The following EPHA5 variants were observed in gnomAD, a reference collection of about 807,000 sequenced individuals.
The protein encoded by EPHA5 is EPH receptor A5.
Under a neutral mutation model 105.0 loss-of-function variants are expected in EPHA5, and 60 were observed. That is an observed-to-expected ratio of 0.57 (90% CI 0.46 to 0.71). The LOEUF is 0.71. Ranked by LOEUF, EPHA5 falls within the 30% of genes least tolerant of loss-of-function variation. The pLI, the probability that EPHA5 is intolerant of heterozygous loss-of-function variation, is 0.00. For synonymous variants in EPHA5, 513 were observed against 449.1 expected, an observed-to-expected ratio of 1.14 and a Z score of -1.80; for missense variants, 1,218 against 1,274.7, an observed-to-expected ratio of 0.96 and a Z score of 0.68.
At chr4:65,476,658 C>T (rs1368431401) in intron 5 of EPHA5, among the ~76,000 whole-genome samples, 1 of 152,068 alleles carries the variant, frequency 6.6e-6, no homozygotes, top group African/African-American at 2.4e-5. Context: ...ATGACAGGAT[C>T]ATTCGTATCC....
chr4:65,601,465 C>T (rs548899032), intron 3 of EPHA5, among the ~76,000 whole-genome samples, 176 bp downstream of exon 3: 4 of 152,140 alleles, frequency 2.6e-5, no homozygotes, highest in Non-Finnish European at 5.9e-5. Flanking sequence ...TACATTAAAT[C>T]TTTCACGGTT....
chr4:65,329,172 C>T (rs564832452), intron 16 of EPHA5, among the ~76,000 whole-genome samples: 7 of 151,420 alleles, frequency 4.6e-5, no homozygotes, highest in Middle Eastern at 6.8e-3. Context: ...ACCCACTGCA[C>T]TTATACAAGA....
intron 3 of EPHA5, among the ~76,000 whole-genome samples, chr4:65,527,522 T>G (rs140865490): frequency 0.015 from 2,324 of 152,260 alleles, 26 homozygotes; most frequent in Non-Finnish European, 0.025. Context: ...GAGTCTCTAC[T>G]TTTAAAATGC....
intron 3 of EPHA5, among the ~76,000 whole-genome samples, chr4:65,601,180 T>G (rs1461653694): frequency 3.3e-5 from 5 of 152,164 alleles, no homozygotes; most frequent in African/African-American, 1.2e-4. Flanking sequence ...TGGCTGAACT[T>G]TTTTTCTGAA....
intron 5 of EPHA5, among the ~76,000 whole-genome samples, chr4:65,479,337 C>A (rs980940396): frequency 6.6e-6 from 1 of 151,986 alleles, no homozygotes; most frequent in African/African-American, 2.4e-5. Context: ...GGATGGAAAC[C>A]AGAAAGTCCA....
At chr4:65,400,009 G>T (rs9312144) in intron 8 of EPHA5, among the ~76,000 whole-genome samples, 10,693 of 151,888 alleles carry the variant, frequency 0.07, 591 homozygotes, top group African/African-American at 0.15. Context: ...CTGAAATAAG[G>T]ACACAGATAA....
At chr4:65,633,430 C>T (rs55965803) in intron 2 of EPHA5, among the ~76,000 whole-genome samples, 37,567 of 151,682 alleles carry the variant, frequency 0.25, 5,533 homozygotes, top group Middle Eastern at 0.4. Flanking sequence ...GTGATTTGTC[C>T]CCAGGGAACT....
rs368790458 is a variant in EPHA5, at chr4:65,669,634, G to A, written c.109C>T (p.Arg37Trp). The A allele has an allele frequency of 7.1e-7, 1 of 1,413,228 alleles. No homozygotes were observed. Among genetic ancestry groups the A allele is most frequent in the East Asian group, 2.7e-5 (1 of 36,458 alleles). 87.5% of individuals were successfully genotyped at this position (1,413,228 alleles called of 1,614,324 possible). A position where few individuals can be genotyped will look rare whatever the true frequency, so the allele number is the denominator to read the frequency against. ...SLAGCYSAPR[R>W]APLWTCLLLC... Reference sequence around the variant, plus strand: ...AGAAGGCACGTCCAGAGGGGAGCCCGTCGAGGTGCAGAGTAGCAGCCGGCC... The same window carrying A: ...AGAAGGCACGTCCAGAGGGGAGCCCATCGAGGTGCAGAGTAGCAGCCGGCC... Residue 37 changes from arginine (R) to tryptophan (W), a missense_variant, in exon 1 of 17, where the codon CGG becomes TGG. Arg to Trp is a moderately radical substitution (Grantham distance 101). Coordinates refer to ENST00000613740, the MANE Select transcript of EPHA5 (RefSeq NM_001281766.3).
intron 3 of EPHA5, among the ~76,000 whole-genome samples, chr4:65,526,795 G>T (rs115025010): frequency 2.6e-3 from 397 of 151,960 alleles, no homozygotes; most frequent in African/African-American, 9.0e-3. Flanking sequence ...ACAGTCTCAC[G>T]TCTACCTTCT....
chr4:65,609,607 G>A (rs1447860453), intron 2 of EPHA5, among the ~76,000 whole-genome samples: 2 of 96,554 alleles, frequency 2.1e-5, no homozygotes, highest in South Asian at 3.7e-4. Context: ...TGGCAAGCTA[G>A]ATATTTTTTT....
At chr4:65,372,735 GC>G (rs1213809432) in intron 8 of EPHA5, among the ~76,000 whole-genome samples, 1 of 151,794 alleles carries the variant, frequency 6.6e-6, no homozygotes, top group Non-Finnish European at 1.5e-5. Context: ...TATGATTAAT[GC>G]CATGTGAGAA....
intron 8 of EPHA5, among the ~76,000 whole-genome samples, chr4:65,379,688 G>T (rs139068075): frequency 5.2e-4 from 79 of 151,536 alleles, no homozygotes; most frequent in African/African-American, 1.8e-3. Context: ...TTATCTCAGA[G>T]TAATTTATAT....
intron 3 of EPHA5, among the ~76,000 whole-genome samples, chr4:65,576,057 A>AGAAAGAAAGAAAGAAAGAAAG (rs1560721043): frequency 2.8e-5 from 2 of 70,968 alleles, no homozygotes; most frequent in African/African-American, 5.2e-5. Context: ...AAAGAAAGAA[A>AGAAAGAAAGAAAGAAAGAAAG]GAAAAGAAAA....
At chr4:65,477,387 C>T (rs1368202796) in intron 5 of EPHA5, among the ~76,000 whole-genome samples, 1 of 151,810 alleles carries the variant, frequency 6.6e-6, no homozygotes, top group Non-Finnish European at 1.5e-5. Context: ...GGGGGAATCA[C>T]TTCATGTTTT....
intron 2 of EPHA5, among the ~76,000 whole-genome samples, chr4:65,618,565 T>C (rs912093615): frequency 1.2e-4 from 18 of 152,308 alleles, no homozygotes; most frequent in African/African-American, 4.1e-4. Context: ...AACACTTTTT[T>C]TGACAATCTT....
intron 1 of EPHA5, among the ~76,000 whole-genome samples, chr4:65,646,819 T>C (rs1407254758): frequency 6.6e-6 from 1 of 152,128 alleles, no homozygotes; most frequent in Non-Finnish European, 1.5e-5. Context: ...AATATTTTAG[T>C]CTTATTTATA....
At chr4:65,398,222 C>G (rs1271480422) in intron 8 of EPHA5, among the ~76,000 whole-genome samples, 3 of 152,164 alleles carry the variant, frequency 2.0e-5, no homozygotes, top group African/African-American at 7.2e-5. Context: ...GATTTTGGAG[C>G]AAAGTTGAGG....
rs149515792 is a variant in EPHA5, at chr4:65,380,295, A to G, written c.1794-12871T>C. ...AACTGTTGATCTTTGTTTTAACAAGATATTTCCATTTGTCCTTCAGCAGAT... is the reference window on the plus strand; with the variant it reads ...AACTGTTGATCTTTGTTTTAACAAGGTATTTCCATTTGTCCTTCAGCAGAT... On this transcript the variant is annotated intron_variant, in intron 8 of 16. Coordinates refer to ENST00000613740, the MANE Select transcript of EPHA5 (RefSeq NM_001281766.3). Among the ~76,000 whole-genome samples the G allele has an allele frequency of 1.2e-3, 184 of 151,968 alleles. 1 individual carries two copies. The highest frequency in any genetic ancestry group is 4.1e-3 in the African/African-American group (171 of 41,544).
At chr4:65,630,722 CT>C (rs1560795884) in intron 2 of EPHA5, among the ~76,000 whole-genome samples, 1 of 152,172 alleles carries the variant, frequency 6.6e-6, no homozygotes, top group Non-Finnish European at 1.5e-5. Flanking sequence ...ATTGAGGTTG[CT>C]GCAGACCTGT....
Sources: allele counts gnomAD v4.1 joint callset (sites outside exome capture counted in the v4.1 genomes callset), GRCh38; gene constraint gnomAD v4.1.1; transcripts MANE v1.5; gene names NCBI Gene and HGNC (gene_info 2026-07-23, HGNC 2026-07-21).